Variants in IL18R1 observed in about 807,000 individuals in gnomAD.
IL18R1 encodes interleukin-18 receptor 1.
A neutral mutation model predicts 48.5 loss-of-function variants in IL18R1; 40 were observed. The observed-to-expected ratio is 0.82, with a 90% CI of 0.64 to 1.07. The LOEUF is 1.07. Ranked by LOEUF, IL18R1 falls within the 50% of genes least tolerant of loss-of-function variation. IL18R1 has a pLI of 0.00. For missense variants in IL18R1, 596 were observed against 633.7 expected, an observed-to-expected ratio of 0.94 and a Z score of 0.64; for synonymous variants, 232 against 225.9, an observed-to-expected ratio of 1.03 and a Z score of -0.24.
intron 8 of IL18R1, among the ~76,000 whole-genome samples, chr2:102,389,393 A>G (rs1477233053): frequency 1.3e-5 from 2 of 152,240 alleles, no homozygotes; most frequent in African/African-American, 2.4e-5. Flanking sequence ...CAGATTGTCC[A>G]TAATAAACAT....
chr2:102,395,334 A>C (rs183144480), intron 10 of IL18R1, among the ~76,000 whole-genome samples: 63 of 151,986 alleles, frequency 4.1e-4, no homozygotes, highest in Non-Finnish European at 5.9e-4. Context: ...TATTCTGGAT[A>C]CTGATGCTTA....
rs1680137644 is a variant in IL18R1 at position 102,384,906 on chromosome 2, T to C, written c.717T>C (p.Ala239=). The C allele has an allele frequency of 1.9e-6, 3 of 1,611,280 alleles. No homozygotes were observed. Among genetic ancestry groups the C allele is most frequent in the Non-Finnish European group, 2.5e-6 (3 of 1,177,872 alleles). ...LGKNVRLNCS[A]LLNEEDVIYW... ...AAAACGTAAGGCTCAACTGCTCTGC[T>C]TTGCTGAATGAAGAGGATGTAATTT... Residue 239 remains alanine (A), a synonymous_variant, in exon 7 of 11, where the codon GCT becomes GCC. Transcript: ENST00000233957.
At chr2:102,389,408 G>A (rs535386660) in intron 8 of IL18R1, among the ~76,000 whole-genome samples, 16 of 152,132 alleles carry the variant, frequency 1.1e-4, no homozygotes, top group South Asian at 8.3e-4. Context: ...AAACATAAAC[G>A]GAATCAATCT....
At chr2:102,390,379 T>C (rs1336297809) in intron 9 of IL18R1, among the ~76,000 whole-genome samples, 162 bp downstream of exon 9, 1 of 152,202 alleles carries the variant, frequency 6.6e-6, no homozygotes, top group Non-Finnish European at 1.5e-5. Flanking sequence ...ATTATGAATG[T>C]TGTCTATGTC....
Position 102,379,897 on chromosome 2 carries a change from T to G in IL18R1, c.626-1723T>G, listed in dbSNP as rs1393537498. On this transcript the variant is annotated intron_variant, in intron 5 of 10. Coordinates refer to ENST00000233957, the MANE Select transcript of IL18R1 (RefSeq NM_003855.5). Reference sequence around the variant, plus strand: ...GCATGAAGCAGGAGGGTCAGAGAGATCTTGCTTTTTGAGGCTGCTTTGAGG... The same window carrying G: ...GCATGAAGCAGGAGGGTCAGAGAGAGCTTGCTTTTTGAGGCTGCTTTGAGG... Among the ~76,000 whole-genome samples, 4 of 152,272 alleles carry G rather than the reference T, an allele frequency of 2.6e-5. No homozygotes were observed. The East Asian group carries it at 7.7e-4, about 29-fold the overall frequency.
chr2:102,362,950 C>A (rs576560165), intron 2 of IL18R1: 1 of 331,482 alleles, frequency 3.0e-6, no homozygotes, highest in Non-Finnish European at 5.4e-6. Context: ...GAGGAGGTGG[C>A]AGCCATCTTT....
At chr2:102,395,299 A>C (rs1680760169) in intron 10 of IL18R1, among the ~76,000 whole-genome samples, 1 of 152,116 alleles carries the variant, frequency 6.6e-6, no homozygotes, top group African/African-American at 2.4e-5. Context: ...TCTTTAGAAC[A>C]AACATTTAAA....
chr2:102,375,460 C>T (rs1004934343), intron 4 of IL18R1, among the ~76,000 whole-genome samples: 7 of 152,100 alleles, frequency 4.6e-5, no homozygotes, highest in African/African-American at 1.4e-4. Flanking sequence ...GAGTAATTCT[C>T]CACCCATCCC....
In IL18R1 at chr2:102,391,905, G is replaced by T. The variant is rs1680583320; in HGVS notation, c.1111+1688G>T. Among the ~76,000 whole-genome samples the T allele has an allele frequency of 2.0e-5, 3 of 151,370 alleles. No individual in the cohort carries two copies. In the South Asian group the frequency reaches 6.2e-4, roughly 31 times the overall value. On this transcript the variant is annotated intron_variant, in intron 9 of 10. Transcript: ENST00000233957. The stretch of plus-strand genomic sequence containing the variant: ...TTGCCTATTGTTCCATGGGGCAATG[G>T]CTTTATTTTGCGTATTTATTTCTAG...
chr2:102,369,706 TTTGC>T (rs1176378072), intron 3 of IL18R1, among the ~76,000 whole-genome samples: 1 of 152,228 alleles, frequency 6.6e-6, no homozygotes, highest in Non-Finnish European at 1.5e-5. Context: ...TGTGTAACCC[TTTGC>T]AGTTTGATGT....
In IL18R1 at chr2:102,367,816, CTTT is replaced by C. The variant is rs761447507; in HGVS notation, c.59-7_59-5del. 9 of 1,606,062 alleles carry C rather than the reference CTTT, an allele frequency of 5.6e-6. No homozygotes were observed. The South Asian group carries it at 1.0e-4, about 18-fold the overall frequency. ...TTTTTATTTATTTTACTTTACTAATCTTTTGAAGAATCTTGTACTTCACGTCCC... is the reference window on the plus strand; with the variant it reads ...TTTTTATTTATTTTACTTTACTAATCTGAAGAATCTTGTACTTCACGTCCC... On this transcript the variant is annotated splice_region_variant and splice_polypyrimidine_tract_variant and intron_variant, in intron 2 of 10. Coordinates refer to ENST00000233957, the MANE Select transcript of IL18R1 (RefSeq NM_003855.5).
chr2:102,368,878 A>G lies in IL18R1; in HGVS notation c.302+810A>G, dbSNP rs370225201. ...TATGTAGCAGATTTCTTTTAGAAGCACTTCTAGAGTGAGTCCTGATCATTA... is the reference window on the plus strand; with the variant it reads ...TATGTAGCAGATTTCTTTTAGAAGCGCTTCTAGAGTGAGTCCTGATCATTA... On this transcript the variant is annotated intron_variant, in intron 3 of 10. Transcript: ENST00000233957. Among the ~76,000 whole-genome samples, 309 of 152,236 alleles carry G rather than the reference A, an allele frequency of 2.0e-3. 10 individuals carry two copies. In the South Asian group the frequency reaches 0.062, roughly 30 times the overall value.
At chr2:102,377,122 G>A (rs1679635077) in intron 5 of IL18R1, among the ~76,000 whole-genome samples, 1 of 152,048 alleles carries the variant, frequency 6.6e-6, no homozygotes, top group South Asian at 2.1e-4. Context: ...AAAATCTGTG[G>A]GCTCACATTT....
intron 1 of IL18R1, among the ~76,000 whole-genome samples, chr2:102,360,003 G>A (rs768496586): frequency 1.3e-5 from 2 of 152,158 alleles, no homozygotes; most frequent in Non-Finnish European, 2.9e-5. Flanking sequence ...GCCCACAGTC[G>A]GTTAGCTGGT....
At chr2:102,395,396 T>C (rs1323279466) in intron 10 of IL18R1, among the ~76,000 whole-genome samples, 2 of 151,770 alleles carry the variant, frequency 1.3e-5, no homozygotes, top group African/African-American at 4.8e-5. Flanking sequence ...ATTAATCTAA[T>C]ATTTATTGGA....
In IL18R1 at chr2:102,371,940, T is replaced by C. The variant is rs771826503; in HGVS notation, c.303-13T>C. On this transcript the variant is annotated splice_polypyrimidine_tract_variant and intron_variant, in intron 3 of 10. Coordinates refer to ENST00000233957, the MANE Select transcript of IL18R1 (RefSeq NM_003855.5). ...GTAGCATTATAAAATACCTTTACAC[T>C]TTTATTCCATAGAAATTATACTCAG... 7 of 1,459,068 alleles carry C rather than the reference T, an allele frequency of 4.8e-6. No individual in the cohort carries two copies. Among genetic ancestry groups the C allele is most frequent in the African/African-American group, 4.3e-5 (3 of 69,976 alleles). 90.4% of individuals were successfully genotyped at this position (1,459,068 alleles called of 1,614,324 possible). A position where few individuals can be genotyped will look rare whatever the true frequency, so the allele number is the denominator to read the frequency against.
intron 3 of IL18R1, among the ~76,000 whole-genome samples, chr2:102,369,480 A>G (rs1286985662): frequency 1.3e-5 from 2 of 152,218 alleles, no homozygotes; most frequent in Non-Finnish European, 2.9e-5. Flanking sequence ...GAGGTGTCCC[A>G]GAGTGGATAT....
intron 7 of IL18R1, 50 bp downstream of exon 7, chr2:102,385,048 A>G: frequency 1.0e-6 from 1 of 967,194 alleles, no homozygotes; most frequent in Non-Finnish European, 1.5e-6. Context: ...TAACAATCAT[A>G]TATATTATAT....
At chr2:102,357,692 A>G (rs1335475059) in intron 1 of IL18R1, among the ~76,000 whole-genome samples, 1 of 152,102 alleles carries the variant, frequency 6.6e-6, no homozygotes, top group Non-Finnish European at 1.5e-5. Flanking sequence ...AAAGGACTCT[A>G]GGGACCTGGC....
Sources: allele counts gnomAD v4.1 joint callset (sites outside exome capture counted in the v4.1 genomes callset), GRCh38; gene constraint gnomAD v4.1.1; transcripts MANE v1.5; gene names NCBI Gene and HGNC (gene_info 2026-07-23, HGNC 2026-07-21).